Variants in NDUFS7 observed in about 807,000 individuals in gnomAD.
The protein encoded by NDUFS7 is NADH:ubiquinone oxidoreductase core subunit S7, also known as NADH dehydrogenase [ubiquinone] iron-sulfur protein 7, mitochondrial.
NDUFS7 carries 11 observed loss-of-function variants against 31.1 expected under a neutral mutation model. The ratio of observed to expected loss-of-function variants is 0.35; its 90% CI spans 0.22 to 0.59. The LOEUF is 0.59. Ranked by LOEUF, NDUFS7 falls within the 20% of genes least tolerant of loss-of-function variation. The pLI is 0.79. For missense variants in NDUFS7, 263 were observed against 324.2 expected (o/e 0.81, Z 1.45); for synonymous variants, 136 against 127.9 (o/e 1.06, Z -0.43).
intron 6 of NDUFS7, 88 bp downstream of exon 6, chr19:1,391,253 T>C (rs750332635): frequency 3.9e-5 from 58 of 1,496,380 alleles, no homozygotes; most frequent in Non-Finnish European, 4.7e-5. Context: ...AAAAGTGTCA[T>C]CTACATTCAG....
At chr19:1,394,421 G>A in intron 7 of NDUFS7, 1 of 1,289,244 alleles carries the variant, frequency 7.8e-7, no homozygotes, top group Non-Finnish European at 1.0e-6. Flanking sequence ...CTTGCAGACT[G>A]AGCTCCTCCC....
At chr19:1,388,374 C>G (rs533629250) in intron 2 of NDUFS7, 151 bp from the exon 3 acceptor site, 1 of 734,776 alleles carries the variant, frequency 1.4e-6, no homozygotes, top group East Asian at 2.7e-5. Flanking sequence ...CCGCATGGCT[C>G]CAGCGGCTCT....
In NDUFS7 at chr19:1,395,534, C is replaced by T. The variant is rs375919712; in HGVS notation, c.*46C>T. ...GAGCCTGTCGCCGTCCTGTCCCCAG[C>T]CTGCTTGTGTCCCGTGAGGTTGTCA... On this transcript the variant is annotated 3_prime_UTR_variant, in exon 8 of 8. Transcript: ENST00000233627. 96 of 1,547,872 alleles carry T rather than the reference C, an allele frequency of 6.2e-5. No individual in the cohort carries two copies. The African/African-American group carries it at 1.1e-3, about 18-fold the overall frequency.
intron 2 of NDUFS7, 47 bp from the exon 3 acceptor site, chr19:1,388,478 T>C: frequency 6.4e-7 from 1 of 1,566,642 alleles, no homozygotes; most frequent in East Asian, 2.3e-5. Flanking sequence ...CTGGGGGAGC[T>C]GGAGGGGCCT....
chr19:1,388,679 G>T (rs960390737), intron 3 of NDUFS7, 86 bp downstream of exon 3: 2 of 1,476,560 alleles, frequency 1.4e-6, no homozygotes, highest in Non-Finnish European at 1.9e-6. Context: ...CGCAGCCACT[G>T]AGGTGCATGG....
chr19:1,387,933 G>GGGCC, intron 2 of NDUFS7, 86 bp downstream of exon 2: 5 of 385,710 alleles, frequency 1.3e-5, no homozygotes, highest in Non-Finnish European at 2.5e-5. Flanking sequence ...GGGGTGGGGG[G>GGGCC]AGCGCCTTGT....
intron 4 of NDUFS7, chr19:1,389,301 GCA>G (rs780812331): frequency 5.8e-5 from 31 of 535,894 alleles, no homozygotes; most frequent in Middle Eastern, 2.9e-4. Context: ...GCACATATAT[GCA>G]CAGTCATGCA....
At chr19:1,385,462 A>G (rs529041475) in intron 1 of NDUFS7, among the ~76,000 whole-genome samples, 1 of 152,150 alleles carries the variant, frequency 6.6e-6, no homozygotes, top group Admixed American at 6.5e-5. Context: ...GCAGTGAGCT[A>G]AGATTGCACC....
At chr19:1,388,053 A>C (rs1378087991) in intron 2 of NDUFS7, 1 of 649,752 alleles carries the variant, frequency 1.5e-6, no homozygotes, top group East Asian at 2.7e-5. Context: ...AAGGCTGGAC[A>C]GTCAGGAGGA....
intron 7 of NDUFS7, 82 bp from the exon 8 acceptor site, chr19:1,395,309 C>A: frequency 1.3e-6 from 2 of 1,524,006 alleles, no homozygotes; most frequent in Non-Finnish European, 1.8e-6. Context: ...GGAAACCCTT[C>A]CAAAGCCGAG....
intron 7 of NDUFS7, chr19:1,395,024 A>C: frequency 1.7e-6 from 2 of 1,157,632 alleles, no homozygotes; most frequent in Non-Finnish European, 1.1e-6. Context: ...CGTCCAGGGC[A>C]GCCCCGGGCC....
intron 4 of NDUFS7, chr19:1,389,299 A>G (rs182567361): frequency 1.9e-6 from 1 of 534,576 alleles, no homozygotes; most frequent in African/African-American, 1.9e-5. Context: ...GTGCACATAT[A>G]TGCACAGTCA....
At position 1,390,997 on chromosome 19, in the gene NDUFS7, G is replaced by A. The variant is rs766542750; in HGVS notation, c.355G>A (p.Val119Ile). The change falls in exon 5 of 8, where the codon GTC becomes ATC. Residue 119 changes from valine to isoleucine, a missense_variant. By Grantham distance (29) the Val-to-Ile change is conservative. Transcript: ENST00000233627. ...VFRASPRQSDVMIVAGTLTNK... is the reference protein window; with the variant it reads ...VFRASPRQSDIMIVAGTLTNK... Reference sequence around the variant, plus strand: ...CCGCGCCAGCCCGCGCCAGTCCGACGTCATGATCGTGGCCGGCACACTCAC... The same window carrying A: ...CCGCGCCAGCCCGCGCCAGTCCGACATCATGATCGTGGCCGGCACACTCAC... 3.7e-6 allele frequency: 6 copies of A among 1,612,508 alleles called. No homozygotes were observed. The highest frequency in any genetic ancestry group is 3.4e-6 in the Non-Finnish European group (4 of 1,179,538).
rs767469432 is a variant in NDUFS7, at chr19:1,388,905, C to T, written c.195C>T (p.Ala65=). The T allele has an allele frequency of 1.4e-5, 23 of 1,610,040 alleles. No individual in the cohort carries two copies. In the South Asian group the frequency reaches 2.3e-4, roughly 16 times the overall value. The change falls in exon 4 of 8, where the codon GCC becomes GCT. Residue 65 remains alanine, a synonymous_variant. Coordinates refer to ENST00000233627, the MANE Select transcript of NDUFS7 (RefSeq NM_024407.5). ...GCAGCCGGGGCGAGTATGTGGTGGCCAAGCTGGATGACCTCGTCAACTGGG... is the reference window on the plus strand; with the variant it reads ...GCAGCCGGGGCGAGTATGTGGTGGCTAAGCTGGATGACCTCGTCAACTGGG... ...KPSSRGEYVV[A]KLDDLVNWAR...
Position 1,388,577 on chromosome 19 carries a change from A to G in NDUFS7, c.106A>G (p.Thr36Ala). Residue 36 changes from threonine (T) to alanine (A), a missense_variant, in exon 3 of 8, where the codon ACC (threonine) becomes GCC (alanine). Thr to Ala is a moderately conservative substitution (Grantham distance 58). Transcript: ENST00000233627. The part of the protein sequence containing the change: ...QARGVHQSVA[T>A]DGPSSTQPAL... Reference sequence around the variant, plus strand: ...ACGAGGTGTCCATCAGAGCGTGGCCACCGATGGCCCAAGCAGGTGAAGCTG... The same window carrying G: ...ACGAGGTGTCCATCAGAGCGTGGCCGCCGATGGCCCAAGCAGGTGAAGCTG... The G allele has an allele frequency of 6.2e-7, 1 of 1,612,272 alleles. No homozygotes were observed. Among genetic ancestry groups the G allele is most frequent in the Non-Finnish European group, 8.5e-7 (1 of 1,179,790 alleles).
chr19:1,393,432 G>A lies in NDUFS7; in HGVS notation c.544+102G>A, dbSNP rs1260403396. The A allele has an allele frequency of 5.1e-6, 5 of 983,896 alleles. No homozygotes were observed. Among genetic ancestry groups the A allele is most frequent in the South Asian group, 2.7e-5 (2 of 72,976 alleles). The allele number at this position is 983,896 out of a possible 1,614,324, so 60.9% of individuals were successfully genotyped here. The stretch of plus-strand genomic sequence containing the variant: ...AGGGAGTCCCACACCCCCAGCAGAC[G>A]GCGGGCTCCCCCATCCTATGGATGG... On this transcript the variant is annotated intron_variant, in intron 7 of 7. Transcript: ENST00000233627. The surrounding 1 kb of genome is among the most constrained non-coding windows in gnomAD (Gnocchi z 7.3).
chr19:1,387,627 A>C, intron 1 of NDUFS7, 184 bp from the exon 2 acceptor site: 1 of 630,700 alleles, frequency 1.6e-6, no homozygotes, highest in Non-Finnish European at 2.9e-6. Flanking sequence ...ATGCAGTCTC[A>C]AGCAGGGGAC....
chr19:1,391,465 C>T (rs1339174998), intron 6 of NDUFS7, among the ~76,000 whole-genome samples: 1 of 151,014 alleles, frequency 6.6e-6, no homozygotes, highest in Non-Finnish European at 1.5e-5. Context: ...TCAGCCTTCT[C>T]ACTTGCCATT....
intron 2 of NDUFS7, 140 bp downstream of exon 2, chr19:1,387,987 C>G (rs1268352862): frequency 7.4e-6 from 6 of 814,442 alleles, no homozygotes; most frequent in Non-Finnish European, 1.2e-5. Flanking sequence ...AGGTGACGGT[C>G]TGCACGCTGC....
Sources: allele counts gnomAD v4.1 joint callset (sites outside exome capture counted in the v4.1 genomes callset), GRCh38; gene constraint gnomAD v4.1.1; non-coding constraint Gnocchi (gnomAD v3.1); transcripts MANE v1.5; gene names NCBI Gene and HGNC (gene_info 2026-07-23, HGNC 2026-07-21).